Variants in UNC5D observed in about 807,000 individuals in gnomAD.
UNC5D encodes the protein unc-5 netrin receptor D, also known as netrin receptor UNC5D.
In UNC5D, 39 loss-of-function variants were observed where a neutral mutation model predicts 105.4. That is an observed-to-expected ratio of 0.37 (90% CI 0.29 to 0.48). UNC5D has a LOEUF of 0.48. Among genes scored for constraint, UNC5D ranks in the 20% least tolerant of loss-of-function variants. The pLI, the probability that UNC5D is intolerant of heterozygous loss-of-function variation, is 0.98. For missense variants in UNC5D, 991 were observed against 1,202.4 expected, an observed-to-expected ratio of 0.82 and a Z score of 2.60; for synonymous variants, 452 against 450.4, an observed-to-expected ratio of 1.00 and a Z score of -0.04.
At chr8:35,271,757 A>C (rs1434752671) in intron 1 of UNC5D, among the ~76,000 whole-genome samples, 1 of 117,876 alleles carries the variant, frequency 8.5e-6, no homozygotes, top group Non-Finnish European at 1.8e-5. Context: ...ACATGTATAC[A>C]TGTATACATA....
At position 35,750,714 on chromosome 8, in the gene UNC5D, C is replaced by T. The variant is rs368677725; in HGVS notation, c.2068C>T (p.Gln690Ter). The T allele has an allele frequency of 1.2e-6, 2 of 1,614,164 alleles. No homozygotes were observed. The highest frequency in any genetic ancestry group is 1.7e-6 in the Non-Finnish European group (2 of 1,180,028). Residue 690 changes from glutamine to a stop codon, truncating the protein, a stop_gained, in exon 13 of 17, where the codon CAA becomes TAA. Coordinates refer to ENST00000404895, the MANE Select transcript of UNC5D (RefSeq NM_080872.4). LOFTEE classifies it high-confidence loss of function. ...GCCAATCACAGACTGTGCCGTGAAGCAACTGAAGGTGGCGGTTTTTGGCTG... is the reference window on the plus strand; with the variant it reads ...GCCAATCACAGACTGTGCCGTGAAGTAACTGAAGGTGGCGGTTTTTGGCTG... The part of the protein sequence containing the change: ...GEPITDCAVK[Q>*]LKVAVFGCMS...
chr8:35,761,595 T>G (rs1801538157), intron 14 of UNC5D, among the ~76,000 whole-genome samples: 1 of 152,222 alleles, frequency 6.6e-6, no homozygotes, highest in Non-Finnish European at 1.5e-5. Flanking sequence ...GAGCATAATT[T>G]GAAAGAGTCT....
intron 4 of UNC5D, among the ~76,000 whole-genome samples, chr8:35,607,083 G>T (rs1253414536): frequency 6.6e-6 from 1 of 152,160 alleles, no homozygotes; most frequent in Non-Finnish European, 1.5e-5. Flanking sequence ...TTCTTCATTT[G>T]CTTCTGAGGG....
intron 4 of UNC5D, among the ~76,000 whole-genome samples, chr8:35,601,390 C>T (rs1346626973): frequency 7.2e-5 from 11 of 152,146 alleles, no homozygotes; most frequent in African/African-American, 2.4e-4. Context: ...TTACCTTGGG[C>T]AGTATGGCCA....
intron 14 of UNC5D, 92 bp downstream of exon 14, chr8:35,759,561 C>T: frequency 1.4e-6 from 2 of 1,443,994 alleles, no homozygotes; most frequent in South Asian, 2.7e-5. Flanking sequence ...GATTTTCCTC[C>T]TCCTTTAAAG....
At chr8:35,749,837 T>G (rs977127106) in intron 12 of UNC5D, among the ~76,000 whole-genome samples, 1 of 152,176 alleles carries the variant, frequency 6.6e-6, no homozygotes, top group Non-Finnish European at 1.5e-5. Flanking sequence ...AAAGTTCTTA[T>G]CAAGGAGGGT....
intron 1 of UNC5D, among the ~76,000 whole-genome samples, chr8:35,293,914 G>A (rs1167618296): frequency 9.2e-5 from 14 of 152,198 alleles, no homozygotes; most frequent in Admixed American, 9.2e-4. Context: ...GTATTTGGGA[G>A]TACGTAGGCT....
In UNC5D at chr8:35,300,223, A is replaced by T. The variant is rs534430643; in HGVS notation, c.103+64336A>T. On this transcript the variant is annotated intron_variant, in intron 1 of 16. Coordinates refer to ENST00000404895, the MANE Select transcript of UNC5D (RefSeq NM_080872.4). ...AGCATTTTGAGAAGCCAAGGTGGGCACATCACCTGAGGTCAGGAGTTCAAG... is the reference window on the plus strand; with the variant it reads ...AGCATTTTGAGAAGCCAAGGTGGGCTCATCACCTGAGGTCAGGAGTTCAAG... Among the ~76,000 whole-genome samples, 15 of 152,066 alleles carry T rather than the reference A, an allele frequency of 9.9e-5. No individual in the cohort carries two copies. In the Middle Eastern group the frequency reaches 0.01, roughly 103 times the overall value.
At chr8:35,626,385 C>T (rs923394504) in intron 4 of UNC5D, among the ~76,000 whole-genome samples, 1 of 151,906 alleles carries the variant, frequency 6.6e-6, no homozygotes, top group African/African-American at 2.4e-5. Flanking sequence ...GTAATTATAA[C>T]CAAAAAATTA....
chr8:35,374,689 A>C (rs1802598076), intron 1 of UNC5D, among the ~76,000 whole-genome samples: 1 of 152,212 alleles, frequency 6.6e-6, no homozygotes, highest in Admixed American at 6.5e-5. Context: ...TCTGCCTTCT[A>C]ACAGAGATGG....
chr8:35,519,895 A>G (rs192630161), intron 1 of UNC5D, among the ~76,000 whole-genome samples: 304 of 152,224 alleles, frequency 2.0e-3, no homozygotes, highest in Non-Finnish European at 3.6e-3. Context: ...GATGGCTATA[A>G]TCAAAAAGAC....
chr8:35,544,778 T>A (rs371252461), intron 1 of UNC5D, among the ~76,000 whole-genome samples: 3 of 151,960 alleles, frequency 2.0e-5, no homozygotes, highest in African/African-American at 4.8e-5. Context: ...AATTTTTGTA[T>A]TTTTAGTAGA....
intron 1 of UNC5D, among the ~76,000 whole-genome samples, chr8:35,406,674 T>C (rs977533811): frequency 6.6e-5 from 10 of 152,264 alleles, no homozygotes; most frequent in South Asian, 6.2e-4. Flanking sequence ...CCCTTTCCTT[T>C]TAAGGGCTTC....
At chr8:35,300,806 G>T (rs1224885721) in intron 1 of UNC5D, among the ~76,000 whole-genome samples, 1 of 152,180 alleles carries the variant, frequency 6.6e-6, no homozygotes, top group Non-Finnish European at 1.5e-5. Context: ...TATAGATAAT[G>T]AGAGGTGGAT....
chr8:35,681,328 G>T (rs529375204), intron 4 of UNC5D, among the ~76,000 whole-genome samples: 1 of 152,310 alleles, frequency 6.6e-6, no homozygotes, highest in East Asian at 1.9e-4. Context: ...TGGTGAGAAT[G>T]TGGATTTACT....
At chr8:35,725,896 GA>G (rs992840247) in intron 9 of UNC5D, among the ~76,000 whole-genome samples, 4 of 152,164 alleles carry the variant, frequency 2.6e-5, no homozygotes, top group African/African-American at 9.7e-5. Flanking sequence ...GTTTTGAAAA[GA>G]TAGCACGGAA....
At chr8:35,402,134 G>A (rs1162469851) in intron 1 of UNC5D, among the ~76,000 whole-genome samples, 1 of 152,142 alleles carries the variant, frequency 6.6e-6, no homozygotes, top group Non-Finnish European at 1.5e-5. Flanking sequence ...GCTACGTGGA[G>A]TGGCTTATAG....
intron 8 of UNC5D, among the ~76,000 whole-genome samples, chr8:35,715,946 G>A (rs1828228418): frequency 6.6e-6 from 1 of 152,186 alleles, no homozygotes; most frequent in Non-Finnish European, 1.5e-5. Context: ...GTTCAGAGCA[G>A]CTGTTGTGAG....
chr8:35,517,615 A>G (rs1813185150), intron 1 of UNC5D, among the ~76,000 whole-genome samples: 1 of 149,128 alleles, frequency 6.7e-6, no homozygotes, highest in Admixed American at 6.6e-5. Context: ...CCCAATTTTC[A>G]GAGTTTCATA....
Sources: gnomAD v4.1 joint callset for allele counts (sites outside exome capture counted in the v4.1 genomes callset) on GRCh38, gnomAD v4.1.1 for gene constraint, MANE v1.5 for transcripts, NCBI Gene and HGNC (gene_info 2026-07-23, HGNC 2026-07-21) for gene names.